Variants in KIDINS220 observed in about 807,000 individuals in gnomAD.
The protein encoded by KIDINS220 is kinase D interacting substrate 220, also known as kinase D-interacting substrate of 220 kDa.
Under a neutral mutation model 157.6 loss-of-function variants are expected in KIDINS220, and 63 were observed. That is an observed-to-expected ratio of 0.40 (90% CI 0.33 to 0.49). KIDINS220 has a LOEUF of 0.49. Among genes scored for constraint, KIDINS220 ranks in the 20% least tolerant of loss-of-function variants. KIDINS220 has a pLI of 0.66. For missense variants in KIDINS220, 1,772 were observed against 2,171.2 expected (o/e 0.82, Z 3.65); for synonymous variants, 732 against 783.6 (o/e 0.93, Z 1.10).
intron 2 of KIDINS220, among the ~76,000 whole-genome samples, chr2:8,819,406 G>A (rs1461895500): frequency 1.3e-5 from 2 of 152,188 alleles, no homozygotes; most frequent in East Asian, 1.9e-4. Flanking sequence ...CCCTGGAGAT[G>A]AGGGCAGGGC....
chr2:8,729,619 A>T lies in KIDINS220; in HGVS notation c.*1101T>A. 5.1e-6 allele frequency: 5 copies of T among 978,186 alleles called. No homozygotes were observed. The highest frequency in any genetic ancestry group is 6.1e-6 in the Non-Finnish European group (5 of 823,372). The allele number at this position is 978,186 out of a possible 1,614,324, so 60.6% of individuals were successfully genotyped here. A position where few individuals can be genotyped will look rare whatever the true frequency, so the allele number is the denominator to read the frequency against. ...ATATATTTTACCCTTGCTTTGTTAC[A>T]TGTTTCCAAATTTTTTTTTAAAAAG... On this transcript the variant is annotated 3_prime_UTR_variant, in exon 30 of 30. Transcript: ENST00000256707.
chr2:8,792,671 A>G (rs994884278), intron 12 of KIDINS220, among the ~76,000 whole-genome samples: 1 of 152,234 alleles, frequency 6.6e-6, no homozygotes, highest in African/African-American at 2.4e-5. Flanking sequence ...GGTATCTTAC[A>G]CTGCCAGAGG....
At chr2:8,789,826 T>A (rs1240574996) in intron 14 of KIDINS220, 54 bp downstream of exon 14, 5 of 1,308,858 alleles carry the variant, frequency 3.8e-6, no homozygotes, top group Non-Finnish European at 5.3e-6. Flanking sequence ...TTTCTTTATC[T>A]ATGAATCTTA....
intron 26 of KIDINS220, chr2:8,740,131 T>C (rs1350572003): frequency 1.0e-6 from 1 of 970,380 alleles, no homozygotes; most frequent in Non-Finnish European, 1.2e-6. Flanking sequence ...AAAAGTAAGA[T>C]TTCATTGAGA....
chr2:8,819,663 A>C (rs979051290), intron 2 of KIDINS220, among the ~76,000 whole-genome samples: 7 of 152,022 alleles, frequency 4.6e-5, no homozygotes, highest in African/African-American at 1.2e-4. Context: ...GTCTCTACTA[A>C]AAATACAAAA....
chr2:8,789,341 GC>G (rs1672861438), intron 14 of KIDINS220, among the ~76,000 whole-genome samples: 1 of 106,712 alleles, frequency 9.4e-6, no homozygotes, highest in Non-Finnish European at 2.2e-5. Context: ...AGGCTGGAGA[GC>G]AGTGGCGCCA....
intron 11 of KIDINS220, among the ~76,000 whole-genome samples, chr2:8,794,786 T>C (rs1673678728): frequency 6.6e-6 from 1 of 152,204 alleles, no homozygotes. Context: ...TCAGTTCTCA[T>C]CCACACTGAT....
intron 26 of KIDINS220, among the ~76,000 whole-genome samples, chr2:8,741,491 A>T (rs1447803088): frequency 1.3e-5 from 2 of 152,166 alleles, no homozygotes; most frequent in Non-Finnish European, 2.9e-5. Flanking sequence ...GAGGCAGGAG[A>T]ATCACTTGAA....
At position 8,779,146 on chromosome 2, in the gene KIDINS220, C is replaced by T. The variant is rs114946239; in HGVS notation, c.2371-7G>A. On this transcript the variant is annotated splice_region_variant and splice_polypyrimidine_tract_variant and intron_variant, in intron 18 of 29. Coordinates refer to ENST00000256707, the MANE Select transcript of KIDINS220 (RefSeq NM_020738.4). ...TTGAAAACAGAACTCGGACCTGTGG[C>T]AGAAGAAATGTACAGTTGTGACATA... 2.6e-4 allele frequency: 420 copies of T among 1,611,274 alleles called. 2 individuals are homozygous for T. The African/African-American group carries it at 5.1e-3, about 20-fold the overall frequency.
chr2:8,835,131 G>A (rs369623850), intron 1 of KIDINS220, among the ~76,000 whole-genome samples: 7 of 152,342 alleles, frequency 4.6e-5, no homozygotes, highest in African/African-American at 1.7e-4. Flanking sequence ...TTACAGGTGT[G>A]AGCCTGCATG....
intron 9 of KIDINS220, among the ~76,000 whole-genome samples, chr2:8,799,118 C>T (rs1674351579): frequency 6.6e-6 from 1 of 152,108 alleles, no homozygotes; most frequent in South Asian, 2.1e-4. Context: ...TCCACCTCTC[C>T]CCACCATCCC....
chr2:8,751,903 C>T (rs1317402023), intron 22 of KIDINS220, among the ~76,000 whole-genome samples: 1 of 152,118 alleles, frequency 6.6e-6, no homozygotes, highest in Non-Finnish European at 1.5e-5. Context: ...CGGGGTTTCA[C>T]CATGTTGGCC....
chr2:8,747,241 A>AG (rs758426147), intron 25 of KIDINS220, 40 bp from the exon 26 acceptor site: 12 of 1,558,432 alleles, frequency 7.7e-6, no homozygotes, highest in Admixed American at 1.7e-5. Context: ...GAAAAGGGGA[A>AG]GGGGGGAGCC....
Position 8,744,388 on chromosome 2 carries a change from A to ATATATCT in KIDINS220, c.3585+2756_3585+2757insAGATATA, listed in dbSNP as rs1558328231. ...CAAAAAAAAAAAAAAAAAAAAAAAA[A>ATATATCT]ATATATATATATAATATATATATAT... On this transcript the variant is annotated intron_variant, in intron 26 of 29. Transcript: ENST00000256707. Among the ~76,000 whole-genome samples the ATATATCT allele has an allele frequency of 2.9e-3, 77 of 26,150 alleles. 4 individuals are homozygous for ATATATCT. The highest frequency in any genetic ancestry group is 4.1e-3 in the Non-Finnish European group (69 of 16,924). The allele number at this position is 26,150 out of a possible 152,430, so 17.2% of individuals were successfully genotyped here. A position where few individuals can be genotyped will look rare whatever the true frequency, so the allele number is the denominator to read the frequency against.
rs950252582 is a variant in KIDINS220, at chr2:8,815,167, G to A, written c.307-1832C>T. ...TGTAATGCCAGCACTTTGGGAGGCC[G>A]AGGCAGGCAGATCACTTGAGCTCAG... On this transcript the variant is annotated intron_variant, in intron 4 of 29. Transcript: ENST00000256707. Among the ~76,000 whole-genome samples, 12 of 152,036 alleles carry A rather than the reference G, an allele frequency of 7.9e-5. 1 individual carries two copies. The highest frequency in any genetic ancestry group is 4.1e-4 in the South Asian group (2 of 4,822).
chr2:8,782,241 A>G (rs1671820520), intron 17 of KIDINS220, among the ~76,000 whole-genome samples: 1 of 152,126 alleles, frequency 6.6e-6, no homozygotes. Flanking sequence ...AAACAGAAAT[A>G]AAACAATGAA....
At chr2:8,776,220 CA>C (rs1036132321) in intron 21 of KIDINS220, among the ~76,000 whole-genome samples, 16 of 152,030 alleles carry the variant, frequency 1.1e-4, no homozygotes, top group African/African-American at 3.9e-4. Flanking sequence ...AAGTACCAAC[CA>C]ATACCCTGCA....
intron 1 of KIDINS220, among the ~76,000 whole-genome samples, chr2:8,837,249 A>G (rs187119272): frequency 2.0e-4 from 31 of 151,766 alleles, no homozygotes; most frequent in African/African-American, 7.3e-4. Context: ...AAGGTCGGAG[A>G]CCTTCCCGGC....
At position 8,747,990 on chromosome 2, in the gene KIDINS220, G is replaced by A. The variant is rs1236914172; in HGVS notation, c.3425C>T (p.Ala1142Val). The A allele has an allele frequency of 7.1e-6, 11 of 1,556,260 alleles. No homozygotes were observed. The highest frequency in any genetic ancestry group is 8.7e-6 in the Non-Finnish European group (10 of 1,153,424). ...QHPFYNRPFF[A>V]PYLYTPRYYP... is the part of the protein sequence containing the mutation. Reference sequence around the variant, plus strand: ...ATACCTTGGCGTGTAAAGGTATGGGGCAAAGAATGGCTATGGAAAAACATG... The same window carrying A: ...ATACCTTGGCGTGTAAAGGTATGGGACAAAGAATGGCTATGGAAAAACATG... Residue 1142 changes from alanine (A) to valine (V), a missense_variant, in exon 25 of 30, where the codon GCC becomes GTC. By Grantham distance (64) the Ala-to-Val change is moderately conservative. Around this residue, in one of 3 missense-constraint regions of KIDINS220, gnomAD observed 793 missense variants for 885.5 expected, o/e 0.90. Transcript: ENST00000256707.
Sources: gnomAD v4.1 joint callset for allele counts (sites outside exome capture counted in the v4.1 genomes callset) on GRCh38, gnomAD v4.1.1 for gene constraint, gnomAD v4.1.1 regional missense constraint, MANE v1.5 for transcripts, NCBI Gene and HGNC (gene_info 2026-07-23, HGNC 2026-07-21) for gene names.